ZDHHC11B: variants seen among roughly 807,000 people sequenced by gnomAD.
The protein encoded by ZDHHC11B is zDHHC palmitoyltransferase 11B (putative), also known as probable palmitoyltransferase ZDHHC11B.
In ZDHHC11B, 17 loss-of-function variants were observed where a neutral mutation model predicts 42.3. That is an observed-to-expected ratio of 0.40 (90% CI 0.27 to 0.60). The LOEUF (loss-of-function observed/expected upper bound fraction) is 0.60, where lower values mean the gene tolerates loss of function less well. Ranked by LOEUF, ZDHHC11B falls within the 20% of genes least tolerant of loss-of-function variation. The pLI is 0.41. For synonymous variants in ZDHHC11B, 123 were observed against 193.5 expected (o/e 0.64, Z 3.02); for missense variants, 262 against 463.2 (o/e 0.57, Z 3.99).
intron 1 of ZDHHC11B, among the ~76,000 whole-genome samples, chr5:774,092 G>A (rs1361459534): frequency 3.3e-5 from 5 of 151,902 alleles, no homozygotes; most frequent in Admixed American, 1.3e-4. Flanking sequence ...CCACCTAGGC[G>A]GGGCTTCGTC....
intron 11 of ZDHHC11B, chr5:732,093 C>T (rs1440707689): frequency 5.2e-5 from 8 of 152,520 alleles, no homozygotes; most frequent in African/African-American, 1.5e-4. Context: ...TGGGCCCACT[C>T]GAAGGGGAGG....
intron 11 of ZDHHC11B, 65 bp from the exon 12 acceptor site, chr5:730,533 C>A (rs1440108994): frequency 8.7e-6 from 13 of 1,489,696 alleles, no homozygotes; most frequent in Non-Finnish European, 1.2e-5. Context: ...TAAACTTATT[C>A]TTAAACAAAA....
At position 766,733 on chromosome 5, in the gene ZDHHC11B, G is replaced by A. The variant is rs181409792; in HGVS notation, c.187C>T (p.Leu63Phe). ...SLATFRIFIP[L>F]LPHSWKYIAY... ...ATGTATTTCCACGAGTGAGGCAGGA[G>A]GGGAATGAAGATCCTGAAGGTGGCC... The change falls in exon 4 of 14, where the codon CTC becomes TTC. Residue 63 changes from leucine (L) to phenylalanine (F), a missense_variant. Coordinates refer to ENST00000508859, the MANE Select transcript of ZDHHC11B (RefSeq NM_001351303.2). The A allele has an allele frequency of 0.011, 17,224 of 1,610,476 alleles. 522 individuals are homozygous for A. The highest frequency in any genetic ancestry group is 0.013 in the Non-Finnish European group (15,099 of 1,177,642).
chr5:743,862 C>T (rs1332477883), intron 9 of ZDHHC11B, among the ~76,000 whole-genome samples: 2 of 149,768 alleles, frequency 1.3e-5, no homozygotes, highest in South Asian at 2.2e-4. Flanking sequence ...ATTTTCCCTG[C>T]TGCGCTGGGC....
intron 4 of ZDHHC11B, among the ~76,000 whole-genome samples, chr5:757,431 C>A (rs1454173910): frequency 6.6e-6 from 1 of 151,958 alleles, no homozygotes; most frequent in Non-Finnish European, 1.5e-5. Flanking sequence ...GACAGAGCCC[C>A]TCTCTGGAGC....
intron 10 of ZDHHC11B, among the ~76,000 whole-genome samples, chr5:735,272 GA>G (rs199999315): frequency 0.037 from 56 of 1,506 alleles, 1 homozygote; most frequent in East Asian, 0.22. Flanking sequence ...AGACAAAGAG[GA>G]AAAAAATAAT....
rs565254950 is a variant in ZDHHC11B at position 712,532 on chromosome 5, G to A, written c.*8-250C>T. On this transcript the variant is annotated intron_variant, in intron 13 of 13. Transcript: ENST00000508859. ...AAAACTTAGAGATGAGTGCATCACC[G>A]ACAGAGGCCATTTTCTATTGTTATT... 2.6e-4 allele frequency among the ~76,000 whole-genome samples: 31 copies of A among 117,650 alleles called. 1 individual carries two copies. Among genetic ancestry groups the A allele is most frequent in the African/African-American group, 1.1e-3 (31 of 28,280 alleles). The allele number at this position is 117,650 out of a possible 152,430, so 77.2% of individuals were successfully genotyped here.
intron 1 of ZDHHC11B, among the ~76,000 whole-genome samples, chr5:783,989 C>T (rs1737068637): frequency 6.6e-6 from 1 of 151,166 alleles, no homozygotes; most frequent in African/African-American, 2.4e-5. Flanking sequence ...TAAAGGGCTC[C>T]TCAGATCCTC....
chr5:764,145 G>A (rs1178507710), intron 4 of ZDHHC11B, among the ~76,000 whole-genome samples: 25 of 152,066 alleles, frequency 1.6e-4, no homozygotes, highest in Middle Eastern at 3.4e-3. Flanking sequence ...TACACACCAC[G>A]CTCACCATTT....
rs1374110657 is a variant in ZDHHC11B, at chr5:731,436, T to C, written c.1024-968A>G. On this transcript the variant is annotated intron_variant, in intron 11 of 13. Coordinates refer to ENST00000508859, the MANE Select transcript of ZDHHC11B (RefSeq NM_001351303.2). ...ACTCTAATGGGGTGCAGCAGTATCT[T>C]ATTGTGATTTTAGCTGGTGGTTCCC... 2.7e-5 allele frequency among the ~76,000 whole-genome samples: 4 copies of C among 149,882 alleles called. No homozygotes were observed. In the East Asian group the frequency reaches 7.8e-4, roughly 29 times the overall value.
chr5:731,833 T>A (rs1282261925), intron 11 of ZDHHC11B: 1 of 152,002 alleles, frequency 6.6e-6, no homozygotes, highest in Non-Finnish European at 1.5e-5. Flanking sequence ...CCTCTTACTA[T>A]GAGGTCTCTG....
intron 7 of ZDHHC11B, among the ~76,000 whole-genome samples, chr5:750,251 C>G (rs143549039): frequency 8.3e-6 from 1 of 120,490 alleles, no homozygotes; most frequent in South Asian, 2.9e-4. Context: ...GGCAGCTTCT[C>G]CAGCAGACTC....
At chr5:724,626 C>A (rs370178376) in intron 12 of ZDHHC11B, among the ~76,000 whole-genome samples, 7 of 140,538 alleles carry the variant, frequency 5.0e-5, no homozygotes, top group Non-Finnish European at 9.2e-5. Flanking sequence ...TCTGCTTTCT[C>A]GGCCTCCCCA....
intron 11 of ZDHHC11B, among the ~76,000 whole-genome samples, chr5:732,875 C>A (rs527627189): frequency 2.0e-5 from 3 of 151,790 alleles, no homozygotes; most frequent in Non-Finnish European, 2.9e-5. Context: ...GAGTGAGATC[C>A]CATCTCTTAA....
intron 6 of ZDHHC11B, among the ~76,000 whole-genome samples, chr5:754,502 TTGC>T (rs1746312556): frequency 1.2e-5 from 1 of 86,466 alleles, no homozygotes; most frequent in African/African-American, 4.6e-5. Context: ...TCTCTCTTCC[TTGC>T]ATCTCCACCG....
At chr5:772,657 G>A (rs373142540) in intron 1 of ZDHHC11B, among the ~76,000 whole-genome samples, 11 of 151,916 alleles carry the variant, frequency 7.2e-5, no homozygotes, top group East Asian at 5.8e-4. Context: ...GTCCACGGGC[G>A]CTTGGGAGGG....
Position 748,635 on chromosome 5 carries a change from A to T in ZDHHC11B, c.629-76T>A. The stretch of plus-strand genomic sequence containing the variant: ...ACATCAGGTGGATGTCACAGACCAG[A>T]GCTTGCTGGGGATGGGGCGGCGTGG... On this transcript the variant is annotated intron_variant, in intron 7 of 13. Coordinates refer to ENST00000508859, the MANE Select transcript of ZDHHC11B (RefSeq NM_001351303.2). 3.1e-6 allele frequency: 4 copies of T among 1,280,020 alleles called. 2 individuals carry two copies. The highest frequency in any genetic ancestry group is 4.1e-6 in the Non-Finnish European group (4 of 966,886). 79.3% of individuals were successfully genotyped at this position (1,280,020 alleles called of 1,614,324 possible).
chr5:724,356 C>T (rs1742405000), intron 12 of ZDHHC11B, among the ~76,000 whole-genome samples: 1 of 145,916 alleles, frequency 6.9e-6, no homozygotes, highest in Non-Finnish European at 1.5e-5. Flanking sequence ...AGGAGCATGC[C>T]ATCAAACCCA....
At chr5:760,903 C>A (rs1212073280) in intron 4 of ZDHHC11B, among the ~76,000 whole-genome samples, 1 of 151,498 alleles carries the variant, frequency 6.6e-6, no homozygotes, top group Non-Finnish European at 1.5e-5. Context: ...ACCTGTGCAG[C>A]GTTCTTCTGA....
Sources: gnomAD v4.1 joint callset for allele counts (sites outside exome capture counted in the v4.1 genomes callset) on GRCh38, gnomAD v4.1.1 for gene constraint, MANE v1.5 for transcripts, NCBI Gene and HGNC (gene_info 2026-07-23, HGNC 2026-07-21) for gene names.